The following PTPRD variants were observed in gnomAD, a reference collection of about 807,000 sequenced individuals.
PTPRD encodes the protein receptor-type tyrosine-protein phosphatase delta.
Under a neutral mutation model 214.5 loss-of-function variants are expected in PTPRD, and 34 were observed. The observed-to-expected ratio is 0.16, with a 90% CI of 0.12 to 0.21. The LOEUF (loss-of-function observed/expected upper bound fraction) is 0.21, where lower values mean the gene tolerates loss of function less well. Ranked by LOEUF, PTPRD falls within the 10% of genes least tolerant of loss-of-function variation. The pLI, the probability that PTPRD is intolerant of heterozygous loss-of-function variation, is 1.00. For synonymous variants in PTPRD, 1,128 were observed against 845.7 expected (o/e 1.33, Z -5.79); for missense variants, 2,545 against 2,398.7 (o/e 1.06, Z -1.27).
intron 19 of PTPRD, among the ~76,000 whole-genome samples, chr9:8,522,533 A>G (rs1184347420): frequency 6.6e-6 from 1 of 152,334 alleles, no homozygotes; most frequent in East Asian, 1.9e-4. Context: ...AAGGCTTTTT[A>G]TGCCCACATT....
At chr9:9,166,704 A>T (rs1286874320) in intron 10 of PTPRD, among the ~76,000 whole-genome samples, 1 of 152,150 alleles carries the variant, frequency 6.6e-6, no homozygotes, top group Admixed American at 6.5e-5. Flanking sequence ...ACAGATTATG[A>T]TCCCTCACTG....
Position 9,024,045 on chromosome 9 carries a change from T to C in PTPRD, c.-142-5310A>G, listed in dbSNP as rs373745435. 2.8e-4 allele frequency among the ~76,000 whole-genome samples: 43 copies of C among 151,932 alleles called. No homozygotes were observed. In the South Asian group the frequency reaches 7.7e-3, roughly 27 times the overall value. On this transcript the variant is annotated intron_variant, in intron 10 of 45. Transcript: ENST00000381196. ...TCACCATTGAAATTTACAAAATACA[T>C]TGAAGAAAAAAGACAAAAATGAAAG...
chr9:10,485,990 CGAG>C (rs2099130262), intron 2 of PTPRD, among the ~76,000 whole-genome samples: 1 of 150,646 alleles, frequency 6.6e-6, no homozygotes, highest in African/African-American at 2.4e-5. Context: ...TGTCTTCTTT[CGAG>C]GAGTGTCTGT....
At chr9:8,536,909 T>C (rs752403609) in intron 14 of PTPRD, among the ~76,000 whole-genome samples, 2 of 152,036 alleles carry the variant, frequency 1.3e-5, no homozygotes, top group Non-Finnish European at 2.9e-5. Context: ...TTTGCTACTT[T>C]GTCGAACAAT....
chr9:8,489,885 T>C (rs1159279756), intron 27 of PTPRD, among the ~76,000 whole-genome samples: 1 of 152,192 alleles, frequency 6.6e-6, no homozygotes, highest in Non-Finnish European at 1.5e-5. Context: ...CAAATACTTG[T>C]ACACTGGCAC....
At chr9:8,460,677 T>A in intron 32 of PTPRD, 106 bp from the exon 33 acceptor site, 1 of 1,143,226 alleles carries the variant, frequency 8.7e-7, no homozygotes. Flanking sequence ...GATTTAATGA[T>A]AAGTGTGTGA....
Position 10,278,135 on chromosome 9 carries a change from G to A in PTPRD, c.-545+62828C>T, listed in dbSNP as rs138030360. Among the ~76,000 whole-genome samples the A allele has an allele frequency of 4.6e-3, 658 of 141,850 alleles. 4 individuals are homozygous for A. Among genetic ancestry groups the A allele is most frequent in the Non-Finnish European group, 7.9e-3 (503 of 63,328 alleles). 93.1% of individuals were successfully genotyped at this position (141,850 alleles called of 152,430 possible). ...AGCGCCACTGCACTCCAGCCTGGGC[G>A]ACAGAGCGAGACTCTGTCTCAAAAA... On this transcript the variant is annotated intron_variant, in intron 3 of 45. Coordinates refer to ENST00000381196, the MANE Select transcript of PTPRD (RefSeq NM_002839.4).
At chr9:8,331,090 G>A (rs1840202424) in intron 44 of PTPRD, among the ~76,000 whole-genome samples, 2 of 139,144 alleles carry the variant, frequency 1.4e-5, no homozygotes, top group African/African-American at 6.4e-5. Flanking sequence ...TTCATTTTCT[G>A]ATATAGCAAC....
chr9:9,849,515 T>C (rs552971041), intron 5 of PTPRD, among the ~76,000 whole-genome samples: 52 of 152,212 alleles, frequency 3.4e-4, no homozygotes, highest in Non-Finnish European at 4.4e-4. Context: ...GTGATGCTAT[T>C]GTCCATTCCA....
chr9:10,254,689 A>T (rs2093092078), intron 3 of PTPRD, among the ~76,000 whole-genome samples: 1 of 152,166 alleles, frequency 6.6e-6, no homozygotes, highest in Admixed American at 6.5e-5. Flanking sequence ...CAGATGTGGG[A>T]AGGAAAGAAT....
intron 3 of PTPRD, among the ~76,000 whole-genome samples, chr9:10,060,071 C>A (rs562870685): frequency 6.6e-6 from 1 of 152,068 alleles, no homozygotes; most frequent in South Asian, 2.1e-4. Context: ...TCCCTGACAA[C>A]CAATATTCAA....
At chr9:9,472,001 TATAGACC>T (rs1179458020) in intron 8 of PTPRD, among the ~76,000 whole-genome samples, 1 of 152,166 alleles carries the variant, frequency 6.6e-6, no homozygotes, top group African/African-American at 2.4e-5. Context: ...ATTTATAAAA[TATAGACC>T]ATTACCTACT....
In PTPRD at chr9:9,401,734, T is replaced by C. The variant is rs1467897992; in HGVS notation, c.-236-4252A>G. Among the ~76,000 whole-genome samples, 3 of 151,986 alleles carry C rather than the reference T, an allele frequency of 2.0e-5. No individual in the cohort carries two copies. The East Asian group carries it at 5.8e-4, about 29-fold the overall frequency. The stretch of plus-strand genomic sequence containing the variant: ...CCCATGTGTCCTGGGAGGGACCCAG[T>C]AGGAGGCAATTGAATCATGGGGGTG... On this transcript the variant is annotated intron_variant, in intron 8 of 45. Transcript: ENST00000381196.
Position 8,608,289 on chromosome 9 carries a change from T to C in PTPRD, c.352+25028A>G, listed in dbSNP as rs1394421060. Among the ~76,000 whole-genome samples, 4 of 152,076 alleles carry C rather than the reference T, an allele frequency of 2.6e-5. No homozygotes were observed. In the East Asian group the frequency reaches 5.8e-4, roughly 22 times the overall value. On this transcript the variant is annotated intron_variant, in intron 14 of 45. Transcript: ENST00000381196. ...ATGATCCAGTTCAGCTGTCATGAAA[T>C]AGGGATGAAAAACGGCACATTATAA...
intron 9 of PTPRD, among the ~76,000 whole-genome samples, chr9:9,357,280 G>T (rs147305181): frequency 1.2e-3 from 189 of 151,444 alleles, no homozygotes; most frequent in African/African-American, 4.4e-3. Context: ...CTTTGGGGAT[G>T]TCAAATATTC....
intron 11 of PTPRD, among the ~76,000 whole-genome samples, chr9:8,981,531 T>G (rs2099312759): frequency 6.6e-6 from 1 of 152,148 alleles, no homozygotes; most frequent in Admixed American, 6.6e-5. Flanking sequence ...ATCATCTACT[T>G]GGCTAGGAAT....
At chr9:10,248,455 T>C (rs2092412860) in intron 3 of PTPRD, among the ~76,000 whole-genome samples, 1 of 143,400 alleles carries the variant, frequency 7.0e-6, no homozygotes, top group Non-Finnish European at 1.5e-5. Context: ...ATGTTACTTT[T>C]CCAACATGGA....
chr9:9,865,530 G>A (rs957057432), intron 5 of PTPRD, among the ~76,000 whole-genome samples: 2 of 152,146 alleles, frequency 1.3e-5, no homozygotes, highest in African/African-American at 4.8e-5. Context: ...TCTCATCAGT[G>A]TGCCCTCTCA....
rs375581202 is a variant in PTPRD at position 8,712,989 on chromosome 9, G to A, written c.64+20791C>T. ...CTGCCTCGGCCTCCCAAAGTGCTGGGATTATAGGCGTGAGCCACCGCACCC... is the reference window on the plus strand; with the variant it reads ...CTGCCTCGGCCTCCCAAAGTGCTGGAATTATAGGCGTGAGCCACCGCACCC... On this transcript the variant is annotated intron_variant, in intron 12 of 45. Coordinates refer to ENST00000381196, the MANE Select transcript of PTPRD (RefSeq NM_002839.4). Among the ~76,000 whole-genome samples the A allele has an allele frequency of 3.3e-5, 5 of 152,194 alleles. No individual in the cohort carries two copies. The South Asian group carries it at 1.0e-3, about 32-fold the overall frequency.
Sources: gnomAD v4.1 joint callset for allele counts (sites outside exome capture counted in the v4.1 genomes callset) on GRCh38, gnomAD v4.1.1 for gene constraint, MANE v1.5 for transcripts, NCBI Gene and HGNC (gene_info 2026-07-23, HGNC 2026-07-21) for gene names.